Variants in RARB observed in about 807,000 individuals in gnomAD.
The protein encoded by RARB is retinoic acid receptor beta, also known as HBV-activated protein.
Under a neutral mutation model 51.9 loss-of-function variants are expected in RARB, and 17 were observed. The ratio of observed to expected loss-of-function variants is 0.33; its 90% CI spans 0.22 to 0.49. RARB has a LOEUF of 0.49. Ranked by LOEUF, RARB falls within the 20% of genes least tolerant of loss-of-function variation. The pLI is 0.99. For missense variants in RARB, 369 were observed against 550.8 expected (o/e 0.67, Z 3.30); for synonymous variants, 215 against 195.4 (o/e 1.10, Z -0.84).
intron 3 of RARB, among the ~76,000 whole-genome samples, chr3:25,067,875 G>A (rs112287418): frequency 1.2e-3 from 187 of 152,034 alleles, no homozygotes; most frequent in Non-Finnish European, 2.3e-3. Context: ...AGTGGCTCAC[G>A]CCTGTAATCC....
chr3:24,903,088 AAAATCT>A (rs1703641713), intron 2 of RARB, among the ~76,000 whole-genome samples: 1 of 152,250 alleles, frequency 6.6e-6, no homozygotes, highest in East Asian at 1.9e-4. Flanking sequence ...GAATTTATGA[AAAATCT>A]CCAAGTAGTA....
chr3:25,455,110 C>T (rs1322503159), intron 1 of RARB, among the ~76,000 whole-genome samples: 1 of 152,186 alleles, frequency 6.6e-6, no homozygotes, highest in Non-Finnish European at 1.5e-5. Flanking sequence ...AAAATGCAAT[C>T]CGGAGACCTG....
intron 2 of RARB, among the ~76,000 whole-genome samples, chr3:25,496,576 C>G (rs1369799872): frequency 6.6e-6 from 1 of 152,206 alleles, no homozygotes; most frequent in East Asian, 1.9e-4. Flanking sequence ...GCTGGGGCCA[C>G]CAGCCACAGG....
chr3:24,983,534 G>T (rs1222260765), intron 2 of RARB, among the ~76,000 whole-genome samples: 2 of 151,648 alleles, frequency 1.3e-5, no homozygotes, highest in African/African-American at 4.8e-5. Flanking sequence ...CCCTCCCCTT[G>T]CCCCCTACCC....
intron 2 of RARB, among the ~76,000 whole-genome samples, chr3:25,046,611 G>A (rs550882162): frequency 6.5e-4 from 99 of 151,964 alleles, no homozygotes; most frequent in African/African-American, 2.0e-3. Context: ...ACACCACCAT[G>A]CTCAGCTAAT....
chr3:25,536,399 T>C (rs1699142509), intron 3 of RARB, among the ~76,000 whole-genome samples: 1 of 152,214 alleles, frequency 6.6e-6, no homozygotes, highest in South Asian at 2.1e-4. Context: ...GCAGGGTCTG[T>C]TCCTTGAAGG....
chr3:25,172,154 T>C (rs1025349972), intron 4 of RARB, among the ~76,000 whole-genome samples: 2 of 152,168 alleles, frequency 1.3e-5, no homozygotes, highest in African/African-American at 4.8e-5. Context: ...TCGTTTTTAA[T>C]ATTAATAGGC....
intron 4 of RARB, among the ~76,000 whole-genome samples, chr3:25,149,908 T>C (rs914737466): frequency 1.3e-5 from 2 of 151,928 alleles, no homozygotes; most frequent in African/African-American, 4.8e-5. Context: ...TTTTTTTTAA[T>C]CTTAAATATC....
Position 25,322,726 on chromosome 3 carries a change from G to GT in RARB, c.179-138460dup, listed in dbSNP as rs770603817. ...ATGGCCCATAATTCAATGGTTCTTA[G>GT]TTTTTTTAAGATAAACACTACTTTA... On this transcript the variant is annotated intron_variant, in intron 5 of 11. Coordinates refer to the RARB transcript ENST00000383772. Among the ~76,000 whole-genome samples the GT allele has an allele frequency of 5.3e-5, 8 of 152,152 alleles. No homozygotes were observed. The South Asian group carries it at 1.0e-3, about 20-fold the overall frequency.
At chr3:24,857,166 T>C (rs1015112234) in intron 1 of RARB, among the ~76,000 whole-genome samples, 3 of 152,260 alleles carry the variant, frequency 2.0e-5, no homozygotes, top group Non-Finnish European at 4.4e-5. Flanking sequence ...CCATTTATAC[T>C]GAACTGGACT....
chr3:25,023,026 C>T (rs763622402), intron 2 of RARB, among the ~76,000 whole-genome samples: 28 of 152,092 alleles, frequency 1.8e-4, no homozygotes, highest in Non-Finnish European at 3.7e-4. Flanking sequence ...GCATGGATTA[C>T]AAATTGGAGG....
intron 5 of RARB, among the ~76,000 whole-genome samples, chr3:25,209,775 C>A (rs575277436): frequency 6.6e-5 from 10 of 152,268 alleles, no homozygotes; most frequent in African/African-American, 1.9e-4. Context: ...CAGTCCTATT[C>A]AACTGAAAAC....
chr3:25,307,290 G>A (rs1704175792), intron 5 of RARB, among the ~76,000 whole-genome samples: 1 of 152,074 alleles, frequency 6.6e-6, no homozygotes, highest in African/African-American at 2.4e-5. Context: ...AGGAAGCTGA[G>A]GCACAAGAAT....
intron 5 of RARB, among the ~76,000 whole-genome samples, chr3:25,269,747 T>A (rs1703211175): frequency 6.6e-6 from 1 of 152,222 alleles, no homozygotes; most frequent in African/African-American, 2.4e-5. Context: ...AAAACATCTT[T>A]TTTAACAAAA....
intron 5 of RARB, among the ~76,000 whole-genome samples, chr3:25,257,070 T>C (rs952425218): frequency 6.6e-6 from 1 of 152,148 alleles, no homozygotes; most frequent in East Asian, 1.9e-4. Flanking sequence ...TGTAGAGTTA[T>C]GCACACATTT....
chr3:24,965,795 C>G (rs1478946216), intron 2 of RARB, among the ~76,000 whole-genome samples: 2 of 152,132 alleles, frequency 1.3e-5, no homozygotes, highest in African/African-American at 4.8e-5. Flanking sequence ...GGAAATGTCA[C>G]TTTAGCTGAG....
intron 2 of RARB, among the ~76,000 whole-genome samples, chr3:25,488,097 A>C (rs1441870718): frequency 6.6e-6 from 1 of 152,214 alleles, no homozygotes; most frequent in South Asian, 2.1e-4. Flanking sequence ...AAGTCTAGGG[A>C]CTGTGCTATC....
At chr3:25,526,306 G>A (rs1246406869) in intron 3 of RARB, among the ~76,000 whole-genome samples, 1 of 152,250 alleles carries the variant, frequency 6.6e-6, no homozygotes, top group African/African-American at 2.4e-5. Context: ...AAAGGGTGGT[G>A]TTCTTGTAGC....
intron 5 of RARB, among the ~76,000 whole-genome samples, chr3:25,295,790 A>G (rs1038573829): frequency 2.6e-5 from 4 of 152,178 alleles, no homozygotes; most frequent in Non-Finnish European, 5.9e-5. Flanking sequence ...GATAATGAAT[A>G]CCAATCTAAA....
Sources: gnomAD v4.1 joint callset for allele counts (sites outside exome capture counted in the v4.1 genomes callset) on GRCh38, gnomAD v4.1.1 for gene constraint, MANE v1.5 for transcripts, NCBI Gene and HGNC (gene_info 2026-07-23, HGNC 2026-07-21) for gene names.